Variants in SUCLG2 observed in about 807,000 individuals in gnomAD.
SUCLG2 encodes succinate-CoA ligase GDP-forming subunit beta.
A neutral mutation model predicts 47.9 loss-of-function variants in SUCLG2; 42 were observed. That is an observed-to-expected ratio of 0.88 (90% confidence interval 0.69 to 1.14). The LOEUF is 1.14. SUCLG2 is among the 50% of genes most tolerant of loss of function. The pLI, the probability that SUCLG2 is intolerant of heterozygous loss-of-function variation, is 0.00. For missense variants in SUCLG2, 571 were observed against 525.9 expected (o/e 1.09, Z -0.84); for synonymous variants, 195 against 197.3 (o/e 0.99, Z 0.10).
intron 9 of SUCLG2, among the ~76,000 whole-genome samples, chr3:67,458,975 T>G (rs1445543706): frequency 1.3e-5 from 2 of 152,200 alleles, no homozygotes; most frequent in Non-Finnish European, 1.5e-5. Context: ...CAAAGTAGCC[T>G]GGAAAGAGAA....
chr3:67,498,668 C>CTTT (rs1285418730), intron 7 of SUCLG2, among the ~76,000 whole-genome samples: 1 of 152,020 alleles, frequency 6.6e-6, no homozygotes, highest in Non-Finnish European at 1.5e-5. Flanking sequence ...CCTTTCTCTT[C>CTTT]TATGTAAAGA....
At chr3:67,475,775 A>C (rs967842863) in intron 9 of SUCLG2, among the ~76,000 whole-genome samples, 1 of 151,442 alleles carries the variant, frequency 6.6e-6, no homozygotes, top group Non-Finnish European at 1.5e-5. Context: ...GCTTGTCTCA[A>C]ACTCCTGGTC....
At chr3:67,553,588 A>G (rs895244928) in intron 2 of SUCLG2, among the ~76,000 whole-genome samples, 3 of 152,198 alleles carry the variant, frequency 2.0e-5, no homozygotes, top group African/African-American at 7.2e-5. Context: ...AAACATTTTA[A>G]ACTGCATTTA....
At chr3:67,542,108 A>G (rs1235612999) in intron 2 of SUCLG2, among the ~76,000 whole-genome samples, 1 of 152,066 alleles carries the variant, frequency 6.6e-6, no homozygotes, top group Non-Finnish European at 1.5e-5. Flanking sequence ...TCCCAACCTC[A>G]GGTGATCCAC....
At chr3:67,436,757 C>T (rs1357531318) in intron 9 of SUCLG2, among the ~76,000 whole-genome samples, 21 of 152,064 alleles carry the variant, frequency 1.4e-4, no homozygotes, top group Admixed American at 1.4e-3. Context: ...GTATGACCAC[C>T]ACACAAATTT....
intron 9 of SUCLG2, among the ~76,000 whole-genome samples, chr3:67,491,863 A>G (rs1705215974): frequency 6.6e-6 from 1 of 152,220 alleles, no homozygotes; most frequent in Non-Finnish European, 1.5e-5. Flanking sequence ...ATGTGTAATA[A>G]AACAACCCTC....
chr3:67,563,027 G>T (rs1424191547), intron 2 of SUCLG2, among the ~76,000 whole-genome samples: 1 of 149,964 alleles, frequency 6.7e-6, no homozygotes, highest in African/African-American at 2.4e-5. Context: ...TATAGCTTAG[G>T]AATTATAATG....
intron 1 of SUCLG2, among the ~76,000 whole-genome samples, chr3:67,628,099 C>T (rs1187690251): frequency 6.6e-6 from 1 of 152,162 alleles, no homozygotes; most frequent in South Asian, 2.1e-4. Context: ...ATCTTTCTAA[C>T]TGGACCCCAA....
intron 9 of SUCLG2, among the ~76,000 whole-genome samples, chr3:67,419,955 C>T (rs1018423113): frequency 2.6e-5 from 4 of 152,152 alleles, no homozygotes; most frequent in Non-Finnish European, 4.4e-5. Context: ...AGAAAAGACA[C>T]TGCAAGGAAG....
chr3:67,651,761 T>C (rs1701288948), intron 1 of SUCLG2, among the ~76,000 whole-genome samples: 1 of 152,224 alleles, frequency 6.6e-6, no homozygotes, highest in Admixed American at 6.5e-5. Context: ...GTATGTCTTA[T>C]ATTTCAGTTT....
chr3:67,370,547 C>G (rs1268931559), downstream of SUCLG2, among the ~76,000 whole-genome samples: 1 of 152,136 alleles, frequency 6.6e-6, no homozygotes, highest in Non-Finnish European at 1.5e-5. Flanking sequence ...CCCTTACCTG[C>G]AGGGCATCCA....
intron 2 of SUCLG2, among the ~76,000 whole-genome samples, chr3:67,587,133 T>A (rs1201534352): frequency 6.6e-6 from 1 of 152,198 alleles, no homozygotes; most frequent in African/African-American, 2.4e-5. Context: ...ATAAAACTCA[T>A]TTTACAGAAT....
chr3:67,616,759 G>A (rs528988583), intron 1 of SUCLG2, among the ~76,000 whole-genome samples: 3 of 152,274 alleles, frequency 2.0e-5, no homozygotes, highest in South Asian at 4.1e-4. Context: ...GTATGAAATC[G>A]AGGTGGGTGA....
chr3:67,547,192 G>A (rs1159912609), intron 2 of SUCLG2, among the ~76,000 whole-genome samples: 9 of 152,238 alleles, frequency 5.9e-5, no homozygotes, highest in East Asian at 1.9e-4. Context: ...CTTCTACCAC[G>A]TGAGGACACA....
At chr3:67,473,530 T>A (rs1704656453) in intron 9 of SUCLG2, among the ~76,000 whole-genome samples, 1 of 152,134 alleles carries the variant, frequency 6.6e-6, no homozygotes, top group Non-Finnish European at 1.5e-5. Context: ...AAAATAAAAA[T>A]CCCTTCTGTA....
chr3:67,547,593 G>A (rs534281076), intron 2 of SUCLG2, among the ~76,000 whole-genome samples: 110 of 152,234 alleles, frequency 7.2e-4, no homozygotes, highest in African/African-American at 1.2e-4. Flanking sequence ...AACATGATTT[G>A]ACTGTGGGGA....
At chr3:67,466,037 T>C (rs1204340009) in intron 9 of SUCLG2, among the ~76,000 whole-genome samples, 1 of 152,138 alleles carries the variant, frequency 6.6e-6, no homozygotes, top group African/African-American at 2.4e-5. Flanking sequence ...AGCCCTTACG[T>C]TGTATCTGCT....
chr3:67,630,173 A>C (rs1303932315), intron 1 of SUCLG2, among the ~76,000 whole-genome samples: 4 of 152,330 alleles, frequency 2.6e-5, no homozygotes, highest in African/African-American at 9.6e-5. Flanking sequence ...AATGTGAAAA[A>C]AAAAACTCCT....
chr3:67,605,489 C>G (rs565807749), intron 2 of SUCLG2, among the ~76,000 whole-genome samples: 24 of 152,284 alleles, frequency 1.6e-4, no homozygotes, highest in Admixed American at 4.6e-4. Flanking sequence ...CAGAGGAGAC[C>G]TTCCTTCTAC....
Sources: allele counts gnomAD v4.1 joint callset (sites outside exome capture counted in the v4.1 genomes callset), GRCh38; gene constraint gnomAD v4.1.1; transcripts MANE v1.5; gene names NCBI Gene and HGNC (gene_info 2026-07-23, HGNC 2026-07-21).